The following PTPRK variants were observed in gnomAD, a reference collection of about 807,000 sequenced individuals.
PTPRK encodes protein tyrosine phosphatase receptor type K.
A neutral mutation model predicts 178.0 loss-of-function variants in PTPRK; 75 were observed. The observed-to-expected ratio is 0.42, with a 90% CI of 0.35 to 0.51. The LOEUF (loss-of-function observed/expected upper bound fraction) is 0.51, where lower values mean the gene tolerates loss of function less well. Ranked by LOEUF, PTPRK falls within the 20% of genes least tolerant of loss-of-function variation. The probability of loss-of-function intolerance (pLI) is 0.02; values close to 1 mark genes in which losing one functional copy is unlikely to be tolerated. For synonymous variants in PTPRK, 637 were observed against 620.6 expected, an observed-to-expected ratio of 1.03 and a Z score of -0.39; for missense variants, 1,441 against 1,797.8, an observed-to-expected ratio of 0.80 and a Z score of 3.59.
Position 128,301,301 on chromosome 6 carries a change from C to A in PTPRK, c.495+20738G>T, listed in dbSNP as rs545297635. On this transcript the variant is annotated intron_variant, in intron 3 of 29. Coordinates refer to ENST00000368226, the MANE Select transcript of PTPRK (RefSeq NM_002844.4). ...TTTTTACTCATACATTATTTTAAAT[C>A]TTAAAATCAGAAATTTTATTTTGTT... Among the ~76,000 whole-genome samples the A allele has an allele frequency of 1.1e-3, 167 of 151,974 alleles. 1 individual carries two copies. The highest frequency in any genetic ancestry group is 3.8e-3 in the African/African-American group (158 of 41,464).
chr6:128,052,258 C>A, intron 13 of PTPRK, among the ~76,000 whole-genome samples: 1 of 152,060 alleles, frequency 6.6e-6, no homozygotes, highest in Non-Finnish European at 1.5e-5. Flanking sequence ...TTAGTATTTC[C>A]CATAAACAAG....
chr6:128,097,217 A>C (rs1430137963), intron 7 of PTPRK, among the ~76,000 whole-genome samples: 3 of 152,106 alleles, frequency 2.0e-5, no homozygotes, highest in African/African-American at 4.8e-5. Flanking sequence ...GTGTTGCTGA[A>C]ATGACATGCT....
intron 1 of PTPRK, among the ~76,000 whole-genome samples, chr6:128,503,842 T>TGTGTGTGTGTG (rs1855908148): frequency 7.1e-6 from 1 of 139,886 alleles, no homozygotes; most frequent in African/African-American, 2.7e-5. Flanking sequence ...CTGGTTATTA[T>TGTGTGTGTGTG]TGTGTGTGTG....
At chr6:127,996,355 T>C (rs772341508) in intron 17 of PTPRK, among the ~76,000 whole-genome samples, 2 of 152,152 alleles carry the variant, frequency 1.3e-5, no homozygotes, top group Non-Finnish European at 2.9e-5. Flanking sequence ...TGCATTTATG[T>C]ACAAACATGA....
intron 5 of PTPRK, among the ~76,000 whole-genome samples, chr6:128,239,122 CTTG>C (rs1455884847): frequency 1.2e-4 from 15 of 121,412 alleles, no homozygotes; most frequent in South Asian, 4.9e-4. Flanking sequence ...TTAAACTCAT[CTTG>C]TTTTTTTTTT....
intron 1 of PTPRK, among the ~76,000 whole-genome samples, chr6:128,447,425 T>C (rs1029180191): frequency 1.4e-4 from 22 of 152,212 alleles, no homozygotes; most frequent in African/African-American, 5.1e-4. Flanking sequence ...AGGAGTTGGC[T>C]ACTTTTTTTA....
Position 128,056,712 on chromosome 6 carries a change from C to T in PTPRK, c.2194+8046G>A, listed in dbSNP as rs145907382. 5.7e-3 allele frequency among the ~76,000 whole-genome samples: 861 copies of T among 152,258 alleles called. 13 individuals carry two copies. Among genetic ancestry groups the T allele is most frequent in the African/African-American group, 0.019 (810 of 41,550 alleles). ...GTGCTGGGATTACAGGTGTGAGCCA[C>T]GGCGCCTGGCTAGAAATATGCTTTT... On this transcript the variant is annotated intron_variant, in intron 13 of 29. Transcript: ENST00000368226.
chr6:128,337,470 A>G (rs1203387667), intron 2 of PTPRK, among the ~76,000 whole-genome samples: 1 of 152,178 alleles, frequency 6.6e-6, no homozygotes, highest in Non-Finnish European at 1.5e-5. Flanking sequence ...GGGTTAAGTA[A>G]CCTGCTCAGA....
chr6:128,084,031 T>C (rs1785298725), intron 8 of PTPRK, among the ~76,000 whole-genome samples: 1 of 152,184 alleles, frequency 6.6e-6, no homozygotes, highest in Non-Finnish European at 1.5e-5. Context: ...AAGGTTCTGA[T>C]GCAGAAAATG....
chr6:128,332,374 T>C (rs1830387322), intron 2 of PTPRK, among the ~76,000 whole-genome samples: 1 of 152,208 alleles, frequency 6.6e-6, no homozygotes, highest in Non-Finnish European at 1.5e-5. Flanking sequence ...ACACATCTAT[T>C]TACTTGTTTA....
At chr6:128,449,138 G>A (rs1847434062) in intron 1 of PTPRK, among the ~76,000 whole-genome samples, 1 of 152,088 alleles carries the variant, frequency 6.6e-6, no homozygotes, top group Non-Finnish European at 1.5e-5. Flanking sequence ...GGGATTACAG[G>A]CATGAGCCAC....
chr6:128,257,279 C>A (rs1817494224), intron 3 of PTPRK, among the ~76,000 whole-genome samples: 1 of 150,110 alleles, frequency 6.7e-6, no homozygotes, highest in African/African-American at 2.4e-5. Context: ...CCTTATCTTG[C>A]ATGGACTTCT....
At chr6:128,083,400 G>A (rs924291394) in intron 9 of PTPRK, among the ~76,000 whole-genome samples, 2 of 151,966 alleles carry the variant, frequency 1.3e-5, no homozygotes, top group Non-Finnish European at 2.9e-5. Context: ...AAAGGAAAAT[G>A]AGGGTTTTTT....
chr6:128,139,353 G>T (rs1456364656), intron 7 of PTPRK, among the ~76,000 whole-genome samples: 1 of 151,984 alleles, frequency 6.6e-6, no homozygotes, highest in Non-Finnish European at 1.5e-5. Context: ...ATAGGTAAAA[G>T]CTATCTCAGA....
At chr6:128,008,054 T>G (rs1286862055) in intron 14 of PTPRK, 1 of 1,348,962 alleles carries the variant, frequency 7.4e-7, no homozygotes, top group African/African-American at 1.5e-5. Context: ...ACCTAATGTT[T>G]CTAATGCAGA....
rs57635035 is a variant in PTPRK, at chr6:128,493,230, A to G, written c.100+27029T>C. 3.3e-5 allele frequency among the ~76,000 whole-genome samples: 5 copies of G among 152,268 alleles called. No individual in the cohort carries two copies. In the East Asian group the frequency reaches 7.7e-4, roughly 24 times the overall value. ...GAAATTAAAACTGCAATTTTTAAAAATTTATTACATACGAACATCTCAAGC... is the reference window on the plus strand; with the variant it reads ...GAAATTAAAACTGCAATTTTTAAAAGTTTATTACATACGAACATCTCAAGC... On this transcript the variant is annotated intron_variant, in intron 1 of 29. Transcript: ENST00000368226.
At chr6:128,057,182 T>C (rs371529797) in intron 13 of PTPRK, among the ~76,000 whole-genome samples, 1 of 152,222 alleles carries the variant, frequency 6.6e-6, no homozygotes, top group Non-Finnish European at 1.5e-5. Flanking sequence ...ACTTCCTTAA[T>C]TGTATGTATA....
chr6:128,254,265 T>C (rs1435169317), intron 3 of PTPRK, among the ~76,000 whole-genome samples: 1 of 152,156 alleles, frequency 6.6e-6, no homozygotes, highest in African/African-American at 2.4e-5. Context: ...AGAACAGTGA[T>C]ATCATTAGCT....
At chr6:128,085,828 C>T (rs561753613) in intron 8 of PTPRK, among the ~76,000 whole-genome samples, 2 of 152,218 alleles carry the variant, frequency 1.3e-5, no homozygotes, top group Admixed American at 6.5e-5. Flanking sequence ...TACTACTTGT[C>T]GTGTACTTGG....
Sources: allele counts gnomAD v4.1 joint callset (sites outside exome capture counted in the v4.1 genomes callset), GRCh38; gene constraint gnomAD v4.1.1; transcripts MANE v1.5; gene names NCBI Gene and HGNC (gene_info 2026-07-23, HGNC 2026-07-21).